Variants in SPATA9 observed in about 807,000 individuals in gnomAD.
The protein encoded by SPATA9 is spermatogenesis associated 9, also known as spermatogenesis-associated protein 9.
A neutral mutation model predicts 25.5 loss-of-function variants in SPATA9; 27 were observed. The ratio of observed to expected loss-of-function variants is 1.06; its 90% CI spans 0.78 to 1.46. The LOEUF is 1.46. SPATA9 is among the 40% of genes most tolerant of loss of function. The probability of loss-of-function intolerance (pLI) is 0.00; values close to 1 mark genes in which losing one functional copy is unlikely to be tolerated. For synonymous variants in SPATA9, 102 were observed against 105.7 expected (o/e 0.97, Z 0.21); for missense variants, 282 against 297.5 (o/e 0.95, Z 0.38).
intron 1 of SPATA9, among the ~76,000 whole-genome samples, chr5:95,692,509 C>T (rs1753918679): frequency 6.6e-6 from 1 of 152,086 alleles, no homozygotes; most frequent in South Asian, 2.1e-4. Context: ...TATATTATTT[C>T]TAATCTTGTA....
At chr5:95,697,204 G>T (rs544743157) in intron 1 of SPATA9, among the ~76,000 whole-genome samples, 1 of 152,254 alleles carries the variant, frequency 6.6e-6, no homozygotes, top group East Asian at 1.9e-4. Context: ...CTGGGCTATG[G>T]TCTTCTTAGG....
At chr5:95,667,970 G>A (rs887157053) in intron 3 of SPATA9, among the ~76,000 whole-genome samples, 2 of 152,132 alleles carry the variant, frequency 1.3e-5, no homozygotes, top group Non-Finnish European at 2.9e-5. Flanking sequence ...GTGAAGTGCT[G>A]GTTTCCCCTT....
intron 2 of SPATA9, among the ~76,000 whole-genome samples, chr5:95,679,118 G>C (rs541819575): frequency 1.3e-5 from 2 of 152,108 alleles, no homozygotes; most frequent in Non-Finnish European, 2.9e-5. Context: ...CTATTCAGAA[G>C]GTAGAAATGA....
chr5:95,688,143 A>C (rs1314920737), intron 1 of SPATA9, among the ~76,000 whole-genome samples: 1 of 152,228 alleles, frequency 6.6e-6, no homozygotes, highest in African/African-American at 2.4e-5. Flanking sequence ...ACTTTTTACA[A>C]TAGCAAAACA....
At chr5:95,665,418 T>C (rs1561398337) in intron 3 of SPATA9, among the ~76,000 whole-genome samples, 1 of 152,204 alleles carries the variant, frequency 6.6e-6, no homozygotes, top group Non-Finnish European at 1.5e-5. Flanking sequence ...TCTGCTTCTA[T>C]GTACCAACTT....
the SPATA9 span, among the ~76,000 whole-genome samples, chr5:95,722,627 C>T: frequency 2.6e-4 from 40 of 152,218 alleles, no homozygotes; most frequent in South Asian, 8.3e-3. Context: ...GTAGCTGGGA[C>T]TACAGGCTCC....
downstream of SPATA9, chr5:95,653,955 A>C (rs1220659570): frequency 1.3e-6 from 1 of 782,558 alleles, no homozygotes; most frequent in African/African-American, 1.8e-5. Context: ...AAGTGCCTCC[A>C]TTAATCTTGA....
chr5:95,724,959 G>A, the SPATA9 span, among the ~76,000 whole-genome samples: 1 of 151,856 alleles, frequency 6.6e-6, no homozygotes, highest in Non-Finnish European at 1.5e-5. Context: ...AGGCTGAGGT[G>A]AGAGAATCAA....
intron 1 of SPATA9, among the ~76,000 whole-genome samples, chr5:95,688,299 C>T (rs998863730): frequency 1.3e-5 from 2 of 152,152 alleles, no homozygotes; most frequent in Non-Finnish European, 2.9e-5. Context: ...GCAAGAGGTG[C>T]AGTGGTGCAG....
chr5:95,705,312 C>T, the SPATA9 span, among the ~76,000 whole-genome samples: 2 of 152,108 alleles, frequency 1.3e-5, no homozygotes, highest in African/African-American at 4.8e-5. Flanking sequence ...GGCCACATCC[C>T]TTAATATGGT....
the SPATA9 span, among the ~76,000 whole-genome samples, chr5:95,706,807 T>G: frequency 2.0e-5 from 3 of 150,424 alleles, no homozygotes; most frequent in African/African-American, 4.9e-5. Context: ...CAATATTTAT[T>G]GTTTTATATG....
At position 95,675,412 on chromosome 5, in the gene SPATA9, C is replaced by T; in HGVS notation, c.378G>A (p.Gln126=). ...TTGTGCATATGCAGTATTCCCTTAC[C>T]TGAATGTTATATAGGGGTTGCCTCG... ...NAPRQPLYNI[Q]VRKGSLFEII... The change falls in exon 3 of 5, where the codon CAG becomes CAA. Residue 126 remains glutamine (Q), a splice_region_variant and synonymous_variant. Coordinates refer to ENST00000274432, the MANE Select transcript of SPATA9 (RefSeq NM_031952.4). The T allele has an allele frequency of 6.2e-7, 1 of 1,611,054 alleles. No homozygotes were observed. The highest frequency in any genetic ancestry group is 8.5e-7 in the Non-Finnish European group (1 of 1,178,512).
At chr5:95,731,392 G>C in the SPATA9 span, 1 of 1,173,574 alleles carries the variant, frequency 8.5e-7, no homozygotes, top group Non-Finnish European at 1.0e-6. Context: ...ACTGCGGTCA[G>C]CTGCGTCCAC....
chr5:95,659,620 C>G (rs1751071393), intron 4 of SPATA9: 1 of 151,976 alleles, frequency 6.6e-6, no homozygotes, highest in Non-Finnish European at 1.5e-5. Flanking sequence ...TTTATTTCAC[C>G]GAAGAAATGC....
At chr5:95,679,015 T>C (rs1389657465) in intron 2 of SPATA9, among the ~76,000 whole-genome samples, 1 of 152,174 alleles carries the variant, frequency 6.6e-6, no homozygotes, top group Non-Finnish European at 1.5e-5. Flanking sequence ...CTTCAATTAG[T>C]TGGAAATAGG....
chr5:95,677,917 C>A (rs1753096059), intron 2 of SPATA9, among the ~76,000 whole-genome samples: 1 of 152,090 alleles, frequency 6.6e-6, no homozygotes, highest in African/African-American at 2.4e-5. Flanking sequence ...AGGTTTACTA[C>A]TTTAAATTCA....
At chr5:95,704,525 A>G in the SPATA9 span, among the ~76,000 whole-genome samples, 1 of 152,230 alleles carries the variant, frequency 6.6e-6, no homozygotes, top group Non-Finnish European at 1.5e-5. Flanking sequence ...AATCTATAAA[A>G]ATAGTTTTAA....
chr5:95,653,650 G>A (rs555089543), downstream of SPATA9, among the ~76,000 whole-genome samples: 9 of 152,296 alleles, frequency 5.9e-5, no homozygotes, highest in East Asian at 1.7e-3. Context: ...TGTAATCCCA[G>A]CACTTTGGGA....
chr5:95,654,377 ATTAAAT>A, downstream of SPATA9: 1 of 1,560,528 alleles, frequency 6.4e-7, no homozygotes, highest in Non-Finnish European at 8.7e-7. Flanking sequence ...GGTATGTAAA[ATTAAAT>A]TTATTTTCAG....
Sources: allele counts gnomAD v4.1 joint callset (sites outside exome capture counted in the v4.1 genomes callset), GRCh38; gene constraint gnomAD v4.1.1; transcripts MANE v1.5; gene names NCBI Gene and HGNC (gene_info 2026-07-23, HGNC 2026-07-21).